RBPMS: variants seen among roughly 807,000 people sequenced by gnomAD.
The protein encoded by RBPMS is RNA binding protein, mRNA processing factor, also known as RNA-binding protein with multiple splicing.
Under a neutral mutation model 26.8 loss-of-function variants are expected in RBPMS, and 7 were observed. The observed-to-expected ratio is 0.26, with a 90% confidence interval of 0.15 to 0.49. The LOEUF (loss-of-function observed/expected upper bound fraction) is 0.49, where lower values mean the gene tolerates loss of function less well. Ranked by LOEUF, RBPMS falls within the 20% of genes least tolerant of loss-of-function variation. RBPMS has a pLI of 0.98. For missense variants in RBPMS, 186 were observed against 250.0 expected (o/e 0.74, Z 1.73); for synonymous variants, 96 against 93.3 (o/e 1.03, Z -0.17).
intron 1 of RBPMS, among the ~76,000 whole-genome samples, chr8:30,451,270 C>A (rs868637171): frequency 1.3e-5 from 2 of 152,138 alleles, no homozygotes; most frequent in Admixed American, 6.6e-5. Flanking sequence ...AAGCTAAAAT[C>A]GTTGAATCAT....
chr8:30,488,448 G>C (rs1165345613), intron 4 of RBPMS, among the ~76,000 whole-genome samples: 1 of 152,214 alleles, frequency 6.6e-6, no homozygotes, highest in Non-Finnish European at 1.5e-5. Context: ...GGTTATTTAA[G>C]ATTACAGGTG....
At chr8:30,494,825 G>A (rs1819759019) in intron 4 of RBPMS, among the ~76,000 whole-genome samples, 1 of 152,122 alleles carries the variant, frequency 6.6e-6, no homozygotes, top group African/African-American at 2.4e-5. Context: ...TAGGTTCGGG[G>A]GCAGACATGA....
At chr8:30,512,452 G>GT (rs563689008) in intron 5 of RBPMS, among the ~76,000 whole-genome samples, 310 of 151,738 alleles carry the variant, frequency 2.0e-3, no homozygotes, top group African/African-American at 4.7e-3. Flanking sequence ...CCAAAGCATT[G>GT]TTTTTTTTGT....
At chr8:30,482,257 A>C (rs1458769392) in intron 4 of RBPMS, among the ~76,000 whole-genome samples, 1 of 152,242 alleles carries the variant, frequency 6.6e-6, no homozygotes, top group African/African-American at 2.4e-5. Flanking sequence ...CTCCCATGTC[A>C]TCTGTCCAGG....
chr8:30,550,137 G>A (rs1826238538), intron 6 of RBPMS, among the ~76,000 whole-genome samples: 2 of 152,146 alleles, frequency 1.3e-5, no homozygotes, highest in Admixed American at 6.5e-5. Flanking sequence ...AGCGCCTGGG[G>A]GCGATTTCTA....
At chr8:30,521,951 G>C (rs60172448) in intron 5 of RBPMS, among the ~76,000 whole-genome samples, 37,342 of 152,016 alleles carry the variant, frequency 0.25, 4,933 homozygotes, top group East Asian at 0.4. Context: ...CAAATTTTCA[G>C]TTAGGAGAAA....
chr8:30,427,980 G>C (rs898644988), intron 1 of RBPMS, among the ~76,000 whole-genome samples: 1 of 149,914 alleles, frequency 6.7e-6, no homozygotes, highest in African/African-American at 2.4e-5. Context: ...CTTGAAGCCA[G>C]AAGTTTGAGA....
At chr8:30,549,704 T>C (rs956119126) in intron 6 of RBPMS, 6 of 673,958 alleles carry the variant, frequency 8.9e-6, no homozygotes, top group Non-Finnish European at 1.6e-5. Context: ...TCCTTTCCTT[T>C]CCCAGGCCCT....
chr8:30,479,077 A>G (rs1312526906), intron 3 of RBPMS, among the ~76,000 whole-genome samples: 1 of 152,102 alleles, frequency 6.6e-6, no homozygotes, highest in Non-Finnish European at 1.5e-5. Flanking sequence ...AGATTTTTTT[A>G]TGATTCTCTA....
intron 1 of RBPMS, among the ~76,000 whole-genome samples, chr8:30,462,739 G>T (rs2150785362): frequency 6.6e-6 from 1 of 152,056 alleles, no homozygotes; most frequent in East Asian, 1.9e-4. Flanking sequence ...ATTTTTTGTT[G>T]TTGTTGTTGT....
At chr8:30,487,688 T>C (rs1818935629) in intron 4 of RBPMS, among the ~76,000 whole-genome samples, 1 of 151,988 alleles carries the variant, frequency 6.6e-6, no homozygotes, top group East Asian at 1.9e-4. Context: ...AAATTATATA[T>C]GTAATACATA....
At chr8:30,488,637 T>C (rs368046248) in intron 4 of RBPMS, among the ~76,000 whole-genome samples, 10 of 152,356 alleles carry the variant, frequency 6.6e-5, no homozygotes, top group African/African-American at 2.4e-4. Flanking sequence ...AATTTCACCC[T>C]GTCCCCTTGA....
chr8:30,546,946 G>A (rs17629238), intron 6 of RBPMS, among the ~76,000 whole-genome samples: 6,311 of 152,230 alleles, frequency 0.041, 165 homozygotes, highest in South Asian at 0.065. Flanking sequence ...TTTCCACTCC[G>A]AGGTGCTGGC....
At chr8:30,443,119 C>G (rs76240694) in intron 1 of RBPMS, among the ~76,000 whole-genome samples, 1,963 of 152,222 alleles carry the variant, frequency 0.013, 51 homozygotes, top group African/African-American at 0.044. Context: ...ATAGAGTCAC[C>G]TCAAGCCCTG....
intron 4 of RBPMS, among the ~76,000 whole-genome samples, chr8:30,499,139 T>C (rs1230733001): frequency 6.6e-6 from 1 of 152,034 alleles, no homozygotes; most frequent in Non-Finnish European, 1.5e-5. Context: ...AAAGGAGCAA[T>C]GAAGGCAATC....
intron 2 of RBPMS, among the ~76,000 whole-genome samples, chr8:30,477,162 C>T (rs1298751329): frequency 3.9e-5 from 6 of 152,130 alleles, no homozygotes; most frequent in Non-Finnish European, 7.4e-5. Context: ...ATACCATTCT[C>T]CTGCCTCAGC....
chr8:30,478,562 C>T (rs963243593), intron 3 of RBPMS, among the ~76,000 whole-genome samples: 7 of 150,448 alleles, frequency 4.7e-5, no homozygotes, highest in Admixed American at 2.7e-4. Flanking sequence ...TGCAGTGGCG[C>T]GATCTCGGCT....
rs1010278653 is a variant in RBPMS, at chr8:30,495,227, G to A, written c.247-9059G>A. ...TCTGTTACTAAAACATTCAAAAGAG[G>A]ATAAAATTTTATTGCGTTTTATGGA... On this transcript the variant is annotated intron_variant, in intron 4 of 8. Coordinates refer to ENST00000397323, the MANE Select transcript of RBPMS (RefSeq NM_001008710.3). Among the ~76,000 whole-genome samples, 4 of 150,890 alleles carry A rather than the reference G, an allele frequency of 2.7e-5. No homozygotes were observed. In the South Asian group the frequency reaches 8.4e-4, roughly 32 times the overall value.
intron 6 of RBPMS, among the ~76,000 whole-genome samples, chr8:30,546,708 T>C (rs1435615908): frequency 6.6e-6 from 1 of 152,240 alleles, no homozygotes; most frequent in East Asian, 1.9e-4. Flanking sequence ...CACTTCTTGT[T>C]TGGAGTCATT....
Sources: allele counts gnomAD v4.1 joint callset (sites outside exome capture counted in the v4.1 genomes callset), GRCh38; gene constraint gnomAD v4.1.1; transcripts MANE v1.5; gene names NCBI Gene and HGNC (gene_info 2026-07-23, HGNC 2026-07-21).